The following SMG6 variants were observed in gnomAD, a reference collection of about 807,000 sequenced individuals.
SMG6 encodes SMG6 nonsense mediated mRNA decay factor.
In SMG6, 66 loss-of-function variants were observed where a neutral mutation model predicts 142.2. The ratio of observed to expected loss-of-function variants is 0.46; its 90% CI spans 0.38 to 0.57. SMG6 has a LOEUF of 0.57. SMG6 is among the 20% of genes least tolerant of loss of function. SMG6 has a pLI of 0.00. For synonymous variants in SMG6, 779 were observed against 702.4 expected (o/e 1.11, Z -1.72); for missense variants, 1,793 against 1,832.0 (o/e 0.98, Z 0.39).
intron 9 of SMG6, among the ~76,000 whole-genome samples, chr17:2,238,332 C>T (rs1279728730): frequency 1.3e-5 from 2 of 152,114 alleles, no homozygotes; most frequent in African/African-American, 4.8e-5. Context: ...TTTCAAGTAC[C>T]CACCCCTCCA....
intron 13 of SMG6, among the ~76,000 whole-genome samples, chr17:2,153,549 C>A (rs1338935091): frequency 1.3e-5 from 2 of 152,218 alleles, no homozygotes; most frequent in Non-Finnish European, 2.9e-5. Context: ...CAGGGGTAAA[C>A]TGGTGGAACG....
intron 13 of SMG6, among the ~76,000 whole-genome samples, chr17:2,154,675 A>T (rs1029513397): frequency 1.3e-5 from 2 of 152,144 alleles, no homozygotes; most frequent in East Asian, 3.9e-4. Flanking sequence ...GCTGGAAGGG[A>T]TTAATGTGCA....
At chr17:2,134,235 C>T (rs1007890367) in intron 13 of SMG6, among the ~76,000 whole-genome samples, 3 of 151,502 alleles carry the variant, frequency 2.0e-5, no homozygotes, top group African/African-American at 7.3e-5. Context: ...CTGTCCAATA[C>T]GGTGAAACCC....
chr17:2,232,294 G>A (rs546996192), intron 10 of SMG6, among the ~76,000 whole-genome samples: 11 of 152,184 alleles, frequency 7.2e-5, no homozygotes, highest in African/African-American at 2.7e-4. Flanking sequence ...GTCACCCTCC[G>A]GCACCACGTC....
At chr17:2,228,157 G>T (rs985846937) in intron 10 of SMG6, among the ~76,000 whole-genome samples, 3 of 152,082 alleles carry the variant, frequency 2.0e-5, no homozygotes, top group African/African-American at 7.2e-5. Flanking sequence ...TCCACCTCCT[G>T]GGTTCAAGCA....
At chr17:2,274,189 G>A (rs1202898862) in intron 8 of SMG6, among the ~76,000 whole-genome samples, 1 of 152,116 alleles carries the variant, frequency 6.6e-6, no homozygotes, top group African/African-American at 2.4e-5. Context: ...AAGAACATAT[G>A]CCCTATAAAG....
rs868664289 is a variant in SMG6 at position 2,287,558 on chromosome 17, G to A, written c.2338-3823C>T. Reference sequence around the variant, plus strand: ...TCGTTTTCTGGGTATGTACCCAGAAGAATTGGAAGCAGGGTCTTGAAGAGA... The same window carrying A: ...TCGTTTTCTGGGTATGTACCCAGAAAAATTGGAAGCAGGGTCTTGAAGAGA... On this transcript the variant is annotated intron_variant, in intron 6 of 18. Transcript: ENST00000263073. Among the ~76,000 whole-genome samples, 29 of 152,270 alleles carry A rather than the reference G, an allele frequency of 1.9e-4. No homozygotes were observed. The Middle Eastern group carries it at 0.01, about 54-fold the overall frequency.
intron 6 of SMG6, among the ~76,000 whole-genome samples, chr17:2,291,159 G>A (rs369183465): frequency 2.4e-4 from 37 of 152,112 alleles, no homozygotes; most frequent in African/African-American, 8.4e-4. Flanking sequence ...ATGAAACCCC[G>A]TCTCTACTAA....
intron 10 of SMG6, among the ~76,000 whole-genome samples, chr17:2,203,440 T>A (rs1451021688): frequency 6.6e-6 from 1 of 152,158 alleles, no homozygotes; most frequent in Non-Finnish European, 1.5e-5. Context: ...CAGGACAGAG[T>A]TTCTGCTTCT....
intron 13 of SMG6, among the ~76,000 whole-genome samples, chr17:2,152,103 G>A (rs981577837): frequency 6.6e-6 from 1 of 152,208 alleles, no homozygotes; most frequent in Non-Finnish European, 1.5e-5. Context: ...GAGCCGGAGA[G>A]GCCTTGATGA....
chr17:2,069,323 T>A (rs1395719303), intron 15 of SMG6, among the ~76,000 whole-genome samples: 1 of 151,620 alleles, frequency 6.6e-6, no homozygotes, highest in Non-Finnish European at 1.5e-5. Context: ...AATCTAGACA[T>A]GAAAATGCAA....
intron 13 of SMG6, among the ~76,000 whole-genome samples, chr17:2,163,761 G>A (rs966587196): frequency 2.7e-5 from 4 of 150,178 alleles, no homozygotes; most frequent in African/African-American, 7.4e-5. Flanking sequence ...GTAACTCACC[G>A]CCCTTATCTT....
intron 12 of SMG6, among the ~76,000 whole-genome samples, chr17:2,186,247 A>G (rs924929835): frequency 2.4e-5 from 3 of 124,024 alleles, no homozygotes; most frequent in Non-Finnish European, 4.9e-5. Flanking sequence ...ACAAAGTGAT[A>G]CCCTGTTTCA....
chr17:2,237,536 C>T, intron 9 of SMG6: 3 of 985,466 alleles, frequency 3.0e-6, no homozygotes, highest in Non-Finnish European at 3.6e-6. Flanking sequence ...TCGTGTGTTG[C>T]CGTCCTCCTC....
At chr17:2,123,359 G>A (rs982206503) in intron 13 of SMG6, among the ~76,000 whole-genome samples, 2 of 152,228 alleles carry the variant, frequency 1.3e-5, no homozygotes, top group African/African-American at 2.4e-5. Context: ...GAGCCATATG[G>A]CTTAAACCCC....
chr17:2,084,322 G>A (rs1253162427), intron 14 of SMG6, among the ~76,000 whole-genome samples: 1 of 152,220 alleles, frequency 6.6e-6, no homozygotes, highest in African/African-American at 2.4e-5. Context: ...GCCAGCTTTA[G>A]CAAGCCTGCT....
chr17:2,210,468 T>C (rs1423951225), intron 10 of SMG6, among the ~76,000 whole-genome samples: 1 of 151,782 alleles, frequency 6.6e-6, no homozygotes, highest in Non-Finnish European at 1.5e-5. Flanking sequence ...GGTGAAAATA[T>C]AGAACAAAAA....
At chr17:2,178,607 C>T (rs939697651) in intron 12 of SMG6, among the ~76,000 whole-genome samples, 1 of 152,198 alleles carries the variant, frequency 6.6e-6, no homozygotes, top group African/African-American at 2.4e-5. Flanking sequence ...GTCACAGTAA[C>T]CTCGTTCCAG....
chr17:2,288,021 T>G (rs552071037), intron 6 of SMG6, among the ~76,000 whole-genome samples: 1 of 152,298 alleles, frequency 6.6e-6, no homozygotes, highest in South Asian at 2.1e-4. Context: ...CACTTAAAAA[T>G]GGGTAAGACA....
Sources: allele counts gnomAD v4.1 joint callset (sites outside exome capture counted in the v4.1 genomes callset), GRCh38; gene constraint gnomAD v4.1.1; transcripts MANE v1.5; gene names NCBI Gene and HGNC (gene_info 2026-07-23, HGNC 2026-07-21).